Variants in COG5 observed in about 807,000 individuals in gnomAD.
The protein encoded by COG5 is component of oligomeric golgi complex 5, also known as conserved oligomeric Golgi complex subunit 5.
In COG5, 86 loss-of-function variants were observed where a neutral mutation model predicts 110.4. The observed-to-expected ratio is 0.78, with a 90% CI of 0.65 to 0.93. The LOEUF (loss-of-function observed/expected upper bound fraction) is 0.93, where lower values mean the gene tolerates loss of function less well. Ranked by LOEUF, COG5 falls within the 40% of genes least tolerant of loss-of-function variation. The pLI is 0.00. For missense variants in COG5, 1,077 were observed against 987.0 expected (o/e 1.09, Z -1.22); for synonymous variants, 360 against 334.6 (o/e 1.08, Z -0.83).
chr7:107,546,953 G>T (rs892997604), intron 5 of COG5, among the ~76,000 whole-genome samples: 1 of 152,048 alleles, frequency 6.6e-6, no homozygotes, highest in Admixed American at 6.6e-5. Flanking sequence ...TACATTTAAA[G>T]AAAAACTAAT....
At chr7:107,367,806 G>C (rs929894377) in intron 8 of COG5, among the ~76,000 whole-genome samples, 2 of 151,856 alleles carry the variant, frequency 1.3e-5, no homozygotes, top group African/African-American at 4.8e-5. Context: ...GGATGTGAGG[G>C]CTAAAAAACA....
chr7:107,499,487 C>T (rs375383828), intron 6 of COG5, among the ~76,000 whole-genome samples: 22 of 151,324 alleles, frequency 1.5e-4, no homozygotes, highest in East Asian at 1.4e-3. Context: ...CTCACTACAA[C>T]CTCTGCCTCC....
chr7:107,309,347 T>A (rs1455679372), intron 11 of COG5, among the ~76,000 whole-genome samples: 1 of 152,188 alleles, frequency 6.6e-6, no homozygotes, highest in African/African-American at 2.4e-5. Flanking sequence ...GTTCGTTTTC[T>A]CTTCAGAGTT....
chr7:107,268,514 G>A (rs1459937421), intron 14 of COG5, among the ~76,000 whole-genome samples: 1 of 152,190 alleles, frequency 6.6e-6, no homozygotes, highest in Non-Finnish European at 1.5e-5. Context: ...GGCTATAAGT[G>A]TTTGAGAAAG....
chr7:107,206,215 C>T (rs1324386294), intron 21 of COG5, among the ~76,000 whole-genome samples: 3 of 152,144 alleles, frequency 2.0e-5, no homozygotes, highest in Non-Finnish European at 4.4e-5. Context: ...CCCACCTGGG[C>T]TTCCCAAAGT....
chr7:107,319,824 G>A (rs1809097019), intron 11 of COG5, among the ~76,000 whole-genome samples: 1 of 152,140 alleles, frequency 6.6e-6, no homozygotes, highest in African/African-American at 2.4e-5. Flanking sequence ...CCTGCTGGGT[G>A]TGGTAGTGCT....
intron 3 of COG5, among the ~76,000 whole-genome samples, chr7:107,549,473 G>T (rs111948613): frequency 2.6e-5 from 4 of 151,972 alleles, no homozygotes; most frequent in African/African-American, 9.7e-5. Context: ...CTCACTGCAT[G>T]CTCCGCCTCC....
intron 16 of COG5, among the ~76,000 whole-genome samples, chr7:107,250,171 G>A (rs1326339769): frequency 6.6e-6 from 1 of 152,156 alleles, no homozygotes; most frequent in Non-Finnish European, 1.5e-5. Flanking sequence ...ATAAGGCCAC[G>A]GCAGTGGTAC....
At chr7:107,452,896 T>C (rs1220961053) in intron 6 of COG5, among the ~76,000 whole-genome samples, 2 of 152,234 alleles carry the variant, frequency 1.3e-5, no homozygotes, top group Non-Finnish European at 2.9e-5. Flanking sequence ...GTATTCTTCA[T>C]ATCTAGTTTA....
rs374117737 is a variant in COG5, at chr7:107,470,942, TA to T, written c.538+56294del. On this transcript the variant is annotated intron_variant, in intron 6 of 21. Coordinates refer to ENST00000297135, the MANE Select transcript of COG5 (RefSeq NM_006348.5). ...TCTTATGAAATCTGTTTTAATGAGTTAAAATTCAAACCATGTGCTAATAATT... is the reference window on the plus strand; with the variant it reads ...TCTTATGAAATCTGTTTTAATGAGTTAAATTCAAACCATGTGCTAATAATT... Among the ~76,000 whole-genome samples, 840 of 152,048 alleles carry T rather than the reference TA, an allele frequency of 5.5e-3. 8 individuals are homozygous for T. The highest frequency in any genetic ancestry group is 0.019 in the African/African-American group (809 of 41,544).
chr7:107,554,505 G>A (rs933194182), intron 2 of COG5, among the ~76,000 whole-genome samples, 163 bp from the exon 3 acceptor site: 2 of 152,088 alleles, frequency 1.3e-5, no homozygotes, highest in Non-Finnish European at 2.9e-5. Flanking sequence ...AGTTGTAAGC[G>A]GGAACACACA....
chr7:107,493,337 C>A (rs1209267857), intron 6 of COG5, among the ~76,000 whole-genome samples: 1 of 152,098 alleles, frequency 6.6e-6, no homozygotes, highest in African/African-American at 2.4e-5. Flanking sequence ...AAGATACTAT[C>A]CTTTAGCCTC....
At chr7:107,382,242 A>G (rs567795915) in intron 7 of COG5, among the ~76,000 whole-genome samples, 10 of 152,208 alleles carry the variant, frequency 6.6e-5, no homozygotes, top group African/African-American at 1.9e-4. Context: ...TTAAGAGGAG[A>G]GGCTCACCCA....
At chr7:107,231,392 T>C (rs765783874) in intron 18 of COG5, among the ~76,000 whole-genome samples, 1 of 152,234 alleles carries the variant, frequency 6.6e-6, no homozygotes, top group Non-Finnish European at 1.5e-5. Flanking sequence ...CTCAAGAATT[T>C]AGCAAATCTT....
At chr7:107,360,517 C>T (rs942118696) in intron 10 of COG5, among the ~76,000 whole-genome samples, 1 of 152,176 alleles carries the variant, frequency 6.6e-6, no homozygotes, top group African/African-American at 2.4e-5. Flanking sequence ...CCTAGATGCA[C>T]CCCGAGCCAG....
chr7:107,391,258 A>AC (rs1205124106), intron 7 of COG5, among the ~76,000 whole-genome samples: 1 of 152,114 alleles, frequency 6.6e-6, no homozygotes, highest in African/African-American at 2.4e-5. Flanking sequence ...AGCTGCCTGG[A>AC]CCCTCAGCAG....
At chr7:107,357,270 C>CT (rs1275326220) in intron 10 of COG5, among the ~76,000 whole-genome samples, 2 of 152,056 alleles carry the variant, frequency 1.3e-5, no homozygotes, top group Non-Finnish European at 2.9e-5. Flanking sequence ...TATGTGCTGT[C>CT]TTTTGAGGTT....
intron 6 of COG5, among the ~76,000 whole-genome samples, chr7:107,517,039 T>C (rs1213374117): frequency 1.3e-5 from 2 of 152,124 alleles, no homozygotes; most frequent in Admixed American, 1.3e-4. Context: ...CTTCAGAAGG[T>C]GGGTAATTAC....
intron 14 of COG5, among the ~76,000 whole-genome samples, chr7:107,271,339 A>T (rs1584602720): frequency 6.6e-6 from 1 of 152,314 alleles, no homozygotes. Context: ...TAGAATTTTT[A>T]TTGGAATTAC....
Sources: gnomAD v4.1 joint callset for allele counts (sites outside exome capture counted in the v4.1 genomes callset) on GRCh38, gnomAD v4.1.1 for gene constraint, MANE v1.5 for transcripts, NCBI Gene and HGNC (gene_info 2026-07-23, HGNC 2026-07-21) for gene names.